PKIG: variants seen among roughly 807,000 people sequenced by gnomAD.
PKIG encodes cAMP-dependent protein kinase inhibitor gamma.
Under a neutral mutation model 6.8 loss-of-function variants are expected in PKIG, and 1 was observed. The observed-to-expected ratio is 0.15, with a 90% CI of 0.05 to 0.69. PKIG has a LOEUF of 0.69. PKIG is among the 30% of genes least tolerant of loss of function. PKIG has a pLI of 0.82. For missense variants in PKIG, 77 were observed against 104.0 expected, an observed-to-expected ratio of 0.74 and a Z score of 1.13; for synonymous variants, 39 against 43.0, an observed-to-expected ratio of 0.91 and a Z score of 0.36.
At chr20:44,571,991 G>A (rs143844241) in intron 1 of PKIG, among the ~76,000 whole-genome samples, 86 of 152,232 alleles carry the variant, frequency 5.6e-4, no homozygotes, top group Non-Finnish European at 9.6e-4. Flanking sequence ...GCATCTTTAC[G>A]ACAATATACA....
chr20:44,578,131 G>A (rs2064915205), upstream of PKIG, among the ~76,000 whole-genome samples: 1 of 151,888 alleles, frequency 6.6e-6, no homozygotes, highest in Non-Finnish European at 1.5e-5. Flanking sequence ...ACGAGGTCGG[G>A]AGATCGAGAC....
At chr20:44,541,242 G>T (rs1600836247) in intron 1 of PKIG, among the ~76,000 whole-genome samples, 1 of 152,188 alleles carries the variant, frequency 6.6e-6, no homozygotes, top group African/African-American at 2.4e-5. Flanking sequence ...TTTTTTAAGT[G>T]ATTCTCCATC....
At chr20:44,606,554 A>C (rs1305714617) in intron 2 of PKIG, among the ~76,000 whole-genome samples, 1 of 152,104 alleles carries the variant, frequency 6.6e-6, no homozygotes, top group Non-Finnish European at 1.5e-5. Context: ...CACGCTTGTA[A>C]TCTCAGCACT....
chr20:44,571,975 G>A (rs904425088), intron 1 of PKIG, among the ~76,000 whole-genome samples: 2 of 152,162 alleles, frequency 1.3e-5, no homozygotes, highest in African/African-American at 4.8e-5. Flanking sequence ...GCTTGAGCAG[G>A]CCTCAGCATC....
chr20:44,533,854 T>A (rs1462779975), intron 1 of PKIG, among the ~76,000 whole-genome samples: 1 of 152,230 alleles, frequency 6.6e-6, no homozygotes, highest in Non-Finnish European at 1.5e-5. Context: ...CCTTTGTAGA[T>A]GTTGCTGAGA....
At chr20:44,543,250 A>G (rs73909537) in intron 1 of PKIG, among the ~76,000 whole-genome samples, 9,262 of 152,182 alleles carry the variant, frequency 0.061, 436 homozygotes, top group African/African-American at 0.14. Context: ...AGAACTTAAC[A>G]TGTAAATGTC....
intron 2 of PKIG, among the ~76,000 whole-genome samples, chr20:44,609,889 T>C (rs1321166114): frequency 6.6e-6 from 1 of 152,238 alleles, no homozygotes; most frequent in Non-Finnish European, 1.5e-5. Context: ...GAGTGCGTGA[T>C]GTGTATGAAA....
intron 1 of PKIG, among the ~76,000 whole-genome samples, chr20:44,541,996 G>T (rs1442882692): frequency 1.3e-5 from 2 of 152,042 alleles, no homozygotes; most frequent in Non-Finnish European, 1.5e-5. Context: ...GCCAAGTATA[G>T]CTTATTTTCT....
At position 44,569,042 on chromosome 20, in the gene PKIG, C is replaced by T. The variant is rs73909542; in HGVS notation, c.-240-13543C>T. Reference sequence around the variant, plus strand: ...AATTAAGAAACTTTATTTTTTAGACCAGTTGTAGGTTCCCAGTGAAACTGC... The same window carrying T: ...AATTAAGAAACTTTATTTTTTAGACTAGTTGTAGGTTCCCAGTGAAACTGC... On this transcript the variant is annotated intron_variant, in intron 1 of 4. Transcript: ENST00000372887. Among the ~76,000 whole-genome samples the T allele has an allele frequency of 7.4e-3, 1,131 of 152,146 alleles. 15 individuals carry two copies. Among genetic ancestry groups the T allele is most frequent in the African/African-American group, 0.025 (1,052 of 41,500 alleles).
chr20:44,545,575 C>T (rs192146866), intron 1 of PKIG, among the ~76,000 whole-genome samples: 56 of 152,200 alleles, frequency 3.7e-4, no homozygotes, highest in African/African-American at 1.3e-3. Flanking sequence ...GTAATCCTAG[C>T]ACTGGGAGGC....
At chr20:44,580,867 G>A (rs908242750), upstream of PKIG, among the ~76,000 whole-genome samples, 2 of 152,070 alleles carry the variant, frequency 1.3e-5, no homozygotes, top group African/African-American at 4.8e-5. Flanking sequence ...GTAAAGCTCC[G>A]GTCCTACCTT....
chr20:44,618,282 C>T lies in PKIG; in HGVS notation c.152-3C>T. On this transcript the variant is annotated splice_polypyrimidine_tract_variant and splice_region_variant and intron_variant, in intron 3 of 3. Transcript: ENST00000372886. ...AAGAAAAACCTCTTTCTCTCCTCTC[C>T]AGAAGGACAGGTGGAGGGAAGCGCC... 1 of 1,606,780 alleles carries T rather than the reference C, an allele frequency of 6.2e-7. No homozygotes were observed. Among genetic ancestry groups the T allele is most frequent in the South Asian group, 1.1e-5 (1 of 90,920 alleles).
At chr20:44,559,061 C>T (rs1381409495) in intron 1 of PKIG, among the ~76,000 whole-genome samples, 1 of 152,152 alleles carries the variant, frequency 6.6e-6, no homozygotes, top group Non-Finnish European at 1.5e-5. Flanking sequence ...CAGTTTATCT[C>T]AGCTTCAGAG....
chr20:44,589,744 A>G (rs909732558), intron 1 of PKIG, 53 bp from the exon 2 acceptor site: 24 of 152,456 alleles, frequency 1.6e-4, no homozygotes, highest in African/African-American at 5.8e-4. Flanking sequence ...GTTTCAATTT[A>G]TAATCCCAGA....
intron 1 of PKIG, among the ~76,000 whole-genome samples, chr20:44,588,962 G>A (rs2065012380): frequency 6.6e-6 from 1 of 152,160 alleles, no homozygotes. Context: ...AATAGATAAT[G>A]TACAAAGTGA....
At chr20:44,576,820 A>C (rs2064902410) in intron 1 of PKIG, among the ~76,000 whole-genome samples, 1 of 152,174 alleles carries the variant, frequency 6.6e-6, no homozygotes, top group Non-Finnish European at 1.5e-5. Flanking sequence ...GAAAAAAGGC[A>C]GGGAGGGGAC....
chr20:44,610,796 C>T (rs2065211614), intron 2 of PKIG, among the ~76,000 whole-genome samples: 3 of 152,026 alleles, frequency 2.0e-5, no homozygotes. Flanking sequence ...TGTTTTGCAA[C>T]CTCTGTTTTT....
intron 2 of PKIG, among the ~76,000 whole-genome samples, chr20:44,600,376 T>A (rs2065110609): frequency 6.6e-6 from 1 of 152,132 alleles, no homozygotes; most frequent in Non-Finnish European, 1.5e-5. Context: ...CCAATTTCCA[T>A]TTTGAGAACG....
At chr20:44,615,216 G>A (rs954293989) in intron 3 of PKIG, among the ~76,000 whole-genome samples, 5 of 151,580 alleles carry the variant, frequency 3.3e-5, no homozygotes, top group Admixed American at 1.3e-4. Flanking sequence ...GCTGTAGGCC[G>A]GGCCCTGCCC....
Sources: allele counts gnomAD v4.1 joint callset (sites outside exome capture counted in the v4.1 genomes callset), GRCh38; gene constraint gnomAD v4.1.1; transcripts MANE v1.5; gene names NCBI Gene and HGNC (gene_info 2026-07-23, HGNC 2026-07-21).